The following NRG3 variants were observed in gnomAD, a reference collection of about 807,000 sequenced individuals.
NRG3 encodes pro-neuregulin-3, membrane-bound isoform.
In NRG3, 31 loss-of-function variants were observed where a neutral mutation model predicts 66.9. The ratio of observed to expected loss-of-function variants is 0.46; its 90% CI spans 0.35 to 0.63. The LOEUF is 0.63. Ranked by LOEUF, NRG3 falls within the 20% of genes least tolerant of loss-of-function variation. The pLI is 0.00. For missense variants in NRG3, 910 were observed against 878.9 expected, an observed-to-expected ratio of 1.04 and a Z score of -0.45; for synonymous variants, 393 against 359.4, an observed-to-expected ratio of 1.09 and a Z score of -1.06.
At chr10:82,726,004 C>A (rs7894604) in intron 2 of NRG3, among the ~76,000 whole-genome samples, 12,087 of 152,020 alleles carry the variant, frequency 0.08, 578 homozygotes, top group Middle Eastern at 0.18. Context: ...AGGATGGGGC[C>A]TTAATCCTGT....
intron 2 of NRG3, among the ~76,000 whole-genome samples, chr10:82,721,268 A>G (rs1241052549): frequency 6.7e-6 from 1 of 148,450 alleles, no homozygotes; most frequent in Non-Finnish European, 1.5e-5. Context: ...AGTAGCTGGG[A>G]CTACAGGTGC....
intron 2 of NRG3, among the ~76,000 whole-genome samples, chr10:82,685,131 A>G (rs2054414511): frequency 6.8e-6 from 1 of 147,454 alleles, no homozygotes; most frequent in Admixed American, 6.6e-5. Context: ...GGCCGAATAG[A>G]CAGAGGCCCC....
chr10:82,411,541 T>C (rs1252691786), intron 2 of NRG3, among the ~76,000 whole-genome samples: 2 of 152,146 alleles, frequency 1.3e-5, no homozygotes, highest in African/African-American at 4.8e-5. Context: ...TCTACTGATA[T>C]TTCCTCCACT....
intron 3 of NRG3, among the ~76,000 whole-genome samples, chr10:82,864,087 G>A (rs888955119): frequency 6.6e-6 from 1 of 152,110 alleles, no homozygotes; most frequent in Non-Finnish European, 1.5e-5. Flanking sequence ...GTTACCAAGG[G>A]CTGGGAGGAG....
chr10:82,349,549 C>T (rs1032567028), intron 1 of NRG3, among the ~76,000 whole-genome samples: 11 of 151,950 alleles, frequency 7.2e-5, no homozygotes, highest in African/African-American at 2.7e-4. Context: ...AGAGGTGGAG[C>T]CTACAGAGGC....
At chr10:82,322,548 T>A (rs149950440) in intron 1 of NRG3, among the ~76,000 whole-genome samples, 2,231 of 151,928 alleles carry the variant, frequency 0.015, 15 homozygotes, top group African/African-American at 0.019. Context: ...TTTTTTTTTT[T>A]AAAATTTTGC....
intron 1 of NRG3, among the ~76,000 whole-genome samples, chr10:82,200,228 T>C (rs1006629697): frequency 2.0e-5 from 3 of 152,144 alleles, no homozygotes; most frequent in Non-Finnish European, 4.4e-5. Flanking sequence ...ATTGGTGTTG[T>C]TGTTGAGGTA....
intron 1 of NRG3, among the ~76,000 whole-genome samples, chr10:82,300,276 A>G (rs1243688807): frequency 6.6e-6 from 1 of 152,188 alleles, no homozygotes; most frequent in Non-Finnish European, 1.5e-5. Flanking sequence ...TTTGAGGAGT[A>G]TGGTGCAAAA....
At chr10:82,514,181 T>G (rs1049634620) in intron 2 of NRG3, among the ~76,000 whole-genome samples, 1 of 152,218 alleles carries the variant, frequency 6.6e-6, no homozygotes, top group African/African-American at 2.4e-5. Context: ...GTGCAGAATC[T>G]CTTTAGTTTA....
chr10:82,245,257 T>C (rs1485775024), intron 1 of NRG3, among the ~76,000 whole-genome samples: 6 of 152,122 alleles, frequency 3.9e-5, no homozygotes, highest in Non-Finnish European at 8.8e-5. Context: ...TAGTTCACAA[T>C]AGGGTTCTCA....
chr10:82,647,050 A>T (rs2050995771), intron 2 of NRG3, among the ~76,000 whole-genome samples: 1 of 151,422 alleles, frequency 6.6e-6, no homozygotes. Context: ...CATGTGCACA[A>T]TGTGCAGGTT....
intron 1 of NRG3, among the ~76,000 whole-genome samples, chr10:82,089,821 A>G (rs1433136300): frequency 6.6e-6 from 1 of 152,158 alleles, no homozygotes; most frequent in East Asian, 1.9e-4. Flanking sequence ...TTTCTCCACA[A>G]TAGGAAGGCA....
intron 1 of NRG3, among the ~76,000 whole-genome samples, chr10:81,956,317 A>G (rs1849825172): frequency 6.6e-6 from 1 of 152,176 alleles, no homozygotes; most frequent in South Asian, 2.1e-4. Context: ...CCACATGGAA[A>G]GGCCAACTCA....
chr10:81,949,746 G>A (rs1000348095), intron 1 of NRG3, among the ~76,000 whole-genome samples: 1 of 152,164 alleles, frequency 6.6e-6, no homozygotes, highest in African/African-American at 2.4e-5. Context: ...TCTCTGAGGT[G>A]CCAAGAGGAT....
intron 2 of NRG3, among the ~76,000 whole-genome samples, chr10:82,620,876 CT>C (rs2048999604): frequency 6.6e-6 from 1 of 151,658 alleles, no homozygotes; most frequent in Admixed American, 6.6e-5. Flanking sequence ...AATACTAGCT[CT>C]TTTCCTGTTC....
intron 1 of NRG3, among the ~76,000 whole-genome samples, chr10:82,327,019 T>C (rs2081907439): frequency 6.6e-6 from 1 of 152,218 alleles, no homozygotes; most frequent in Non-Finnish European, 1.5e-5. Flanking sequence ...AAGTGATGCT[T>C]GGAGTCATTT....
At chr10:82,623,661 A>G (rs1473762673) in intron 2 of NRG3, among the ~76,000 whole-genome samples, 1 of 152,220 alleles carries the variant, frequency 6.6e-6, no homozygotes, top group Non-Finnish European at 1.5e-5. Context: ...GAAGCAAAGT[A>G]GAGGAGACAG....
intron 1 of NRG3, among the ~76,000 whole-genome samples, chr10:82,256,387 A>G (rs1013598706): frequency 6.6e-6 from 1 of 152,126 alleles, no homozygotes; most frequent in African/African-American, 2.4e-5. Context: ...AATGCTTTGT[A>G]TACTGTAGAG....
intron 2 of NRG3, among the ~76,000 whole-genome samples, chr10:82,492,410 T>G (rs961121745): frequency 2.0e-5 from 3 of 152,188 alleles, no homozygotes; most frequent in African/African-American, 7.2e-5. Flanking sequence ...AAATGAAAAT[T>G]AAGTAACACT....
Sources: allele counts gnomAD v4.1 joint callset (sites outside exome capture counted in the v4.1 genomes callset), GRCh38; gene constraint gnomAD v4.1.1; transcripts MANE v1.5; gene names NCBI Gene and HGNC (gene_info 2026-07-23, HGNC 2026-07-21).